TG: variants seen among roughly 807,000 people sequenced by gnomAD.
TG encodes the protein thyroglobulin.
A neutral mutation model predicts 324.7 loss-of-function variants in TG; 270 were observed. The ratio of observed to expected loss-of-function variants is 0.83; its 90% CI spans 0.75 to 0.92. The LOEUF is 0.92. Among genes scored for constraint, TG ranks in the 40% least tolerant of loss-of-function variants. TG has a pLI of 0.00. For missense variants in TG, 3,591 were observed against 3,456.4 expected (o/e 1.04, Z -0.98); for synonymous variants, 1,401 against 1,327.0 (o/e 1.06, Z -1.21).
Position 132,889,983 on chromosome 8 carries a change from T to C in TG, c.2761+1415T>C, listed in dbSNP as rs532756842. Among the ~76,000 whole-genome samples, 9 of 152,228 alleles carry C rather than the reference T, an allele frequency of 5.9e-5. No homozygotes were observed. In the East Asian group the frequency reaches 1.7e-3, roughly 29 times the overall value. The stretch of plus-strand genomic sequence containing the variant: ...TTTTAGTAGAGACGGGGTTTCACCA[T>C]GTTGGCCAGGCTGGTCTTGAACTCC... On this transcript the variant is annotated intron_variant, in intron 10 of 47. Coordinates refer to ENST00000220616, the MANE Select transcript of TG (RefSeq NM_003235.5).
chr8:132,893,559 A>ATGTGTGTGGTGTG (rs1257032952), intron 10 of TG, 131 bp from the exon 11 acceptor site: 1 of 1,131,084 alleles, frequency 8.8e-7, no homozygotes. Context: ...GGTGGTGTGT[A>ATGTGTGTGGTGTG]TGTGTGTGGT....
chr8:133,024,370 CTTTCTTTCTTTCTTTCTTTCTT>C (rs749344519), intron 40 of TG, among the ~76,000 whole-genome samples: 2,312 of 119,896 alleles, frequency 0.019, 65 homozygotes, highest in African/African-American at 0.027. Context: ...TTCTTTCTTT[CTTTCTTTCTTTCTTTCTTTCTT>C]TTTCTTTTTT....
chr8:133,096,396 A>G (rs368965583), intron 43 of TG, 23 bp downstream of exon 43: 20 of 1,613,860 alleles, frequency 1.2e-5, no homozygotes, highest in Non-Finnish European at 1.6e-5. Flanking sequence ...GGGGCCTCGG[A>G]TGTCTCCAGC....
chr8:132,917,189 A>C (rs1388770015), intron 20 of TG, among the ~76,000 whole-genome samples: 1 of 151,816 alleles, frequency 6.6e-6, no homozygotes, highest in Non-Finnish European at 1.5e-5. Flanking sequence ...CTCCAATCTC[A>C]AGGCACTCAC....
chr8:133,038,843 A>G (rs1239627584), intron 41 of TG: 1 of 663,942 alleles, frequency 1.5e-6, no homozygotes, highest in African/African-American at 1.8e-5. Context: ...AAGAAAAACA[A>G]AAATCCTGGT....
Position 133,013,878 on chromosome 8 carries a change from G to C in TG, c.6562+114G>C, listed in dbSNP as rs982292334. On this transcript the variant is annotated intron_variant, in intron 37 of 47. Transcript: ENST00000220616. The stretch of plus-strand genomic sequence containing the variant: ...TGGCTTTTGTTGGCCAAAGTTCTGG[G>C]CTAGGTGGCACTCACTTGAGGTAGA... 4 of 1,343,208 alleles carry C rather than the reference G, an allele frequency of 3.0e-6. No individual in the cohort carries two copies. The African/African-American group carries it at 4.3e-5, about 15-fold the overall frequency. 83.2% of individuals were successfully genotyped at this position (1,343,208 alleles called of 1,614,324 possible). A position where few individuals can be genotyped will look rare whatever the true frequency, so the allele number is the denominator to read the frequency against.
chr8:133,120,798 C>T (rs1028643424), intron 45 of TG, among the ~76,000 whole-genome samples: 5 of 152,188 alleles, frequency 3.3e-5, no homozygotes, highest in Admixed American at 6.5e-5. Context: ...GAGGGAGACA[C>T]AGTTCAACCC....
chr8:133,116,824 T>G (rs1850733918), intron 45 of TG, 108 bp downstream of exon 45: 1 of 890,408 alleles, frequency 1.1e-6, no homozygotes, highest in Non-Finnish European at 1.8e-6. Context: ...AGTTTCCTCA[T>G]CTGAGAAATA....
At chr8:133,015,959 A>G (rs1315126641) in intron 37 of TG, among the ~76,000 whole-genome samples, 1 of 142,542 alleles carries the variant, frequency 7.0e-6, no homozygotes, top group Non-Finnish European at 1.5e-5. Context: ...GTGTCCCCCC[A>G]CCCCTGCCAA....
At chr8:133,074,488 A>G (rs952988606) in intron 41 of TG, among the ~76,000 whole-genome samples, 1 of 152,186 alleles carries the variant, frequency 6.6e-6, no homozygotes, top group Non-Finnish European at 1.5e-5. Flanking sequence ...TGAGAAAATG[A>G]AGGTCTGGAG....
intron 40 of TG, among the ~76,000 whole-genome samples, chr8:133,029,050 C>T (rs1334925395): frequency 1.3e-5 from 2 of 152,030 alleles, no homozygotes; most frequent in African/African-American, 4.8e-5. Flanking sequence ...GAATGGGAAC[C>T]TCAGATGAGA....
chr8:133,019,878 G>A (rs977726044), intron 39 of TG, among the ~76,000 whole-genome samples, 183 bp downstream of exon 39: 2 of 152,230 alleles, frequency 1.3e-5, no homozygotes, highest in Admixed American at 6.5e-5. Context: ...GGTCCTCAGA[G>A]CTTGTGGCTA....
Position 132,882,471 on chromosome 8 carries a change from T to A in TG, c.748T>A (p.Leu250Met), listed in dbSNP as rs745970489. 1.4e-5 allele frequency: 22 copies of A among 1,614,092 alleles called. No individual in the cohort carries two copies. Among genetic ancestry groups the A allele is most frequent in the Non-Finnish European group, 1.9e-5 (22 of 1,180,038 alleles). The change falls in exon 7 of 48, where the codon TTG (leucine) becomes ATG (methionine). Residue 250 changes from leucine to methionine, a missense_variant and splice_region_variant. By Grantham distance (15) the Leu-to-Met change is conservative (BLOSUM62 2). Transcript: ENST00000220616. The stretch of plus-strand genomic sequence containing the variant: ...AAAGTCTTGCTGTCTTTGCTCAGGT[T>A]TGGAGTTGTTACTGGATGAAATTTA... ...SQGRELAETG[L>M]ELLLDEIYDT...
At chr8:132,950,811 A>G (rs1347096649) in intron 27 of TG, among the ~76,000 whole-genome samples, 1 of 152,140 alleles carries the variant, frequency 6.6e-6, no homozygotes, top group East Asian at 1.9e-4. Flanking sequence ...ATATAACAAT[A>G]AAAAAATAAG....
chr8:133,005,208 G>A (rs944625714), intron 35 of TG, among the ~76,000 whole-genome samples: 4 of 152,156 alleles, frequency 2.6e-5, no homozygotes, highest in Non-Finnish European at 5.9e-5. Context: ...CCATGGCACC[G>A]CAGGCACACT....
At chr8:132,995,913 C>A (rs1026508382) in intron 35 of TG, among the ~76,000 whole-genome samples, 2 of 152,200 alleles carry the variant, frequency 1.3e-5, no homozygotes, top group African/African-American at 4.8e-5. Context: ...CACCAACACA[C>A]AAGCTCATAA....
intron 41 of TG, among the ~76,000 whole-genome samples, chr8:133,041,865 G>T (rs1048124232): frequency 1.4e-5 from 2 of 145,150 alleles, no homozygotes; most frequent in African/African-American, 5.2e-5. Flanking sequence ...TTGGCTCATT[G>T]CAACCTCTGC....
At chr8:132,945,141 T>C (rs1169556969) in intron 26 of TG, among the ~76,000 whole-genome samples, 1 of 152,220 alleles carries the variant, frequency 6.6e-6, no homozygotes, top group African/African-American at 2.4e-5. Context: ...GCGCTTGTCA[T>C]GTCATGGCTT....
chr8:132,935,453 CATT>C (rs1823441613), intron 24 of TG, among the ~76,000 whole-genome samples: 1 of 152,020 alleles, frequency 6.6e-6, no homozygotes, highest in Non-Finnish European at 1.5e-5. Flanking sequence ...CCAGCAAACT[CATT>C]AATATCTCAG....
Sources: allele counts gnomAD v4.1 joint callset (sites outside exome capture counted in the v4.1 genomes callset), GRCh38; gene constraint gnomAD v4.1.1; transcripts MANE v1.5; gene names NCBI Gene and HGNC (gene_info 2026-07-23, HGNC 2026-07-21).